SGCZ: variants seen among roughly 807,000 people sequenced by gnomAD.
SGCZ encodes sarcoglycan zeta, also known as zeta-sarcoglycan.
SGCZ carries 40 observed loss-of-function variants against 41.3 expected under a neutral mutation model. The observed-to-expected ratio is 0.97, with a 90% CI of 0.75 to 1.26. SGCZ has a LOEUF of 1.26. SGCZ is among the 50% of genes most tolerant of loss of function. The pLI is 0.00. For missense variants in SGCZ, 552 were observed against 369.8 expected (o/e 1.49, Z -4.04); for synonymous variants, 206 against 137.5 (o/e 1.50, Z -3.49).
intron 7 of SGCZ, among the ~76,000 whole-genome samples, chr8:14,099,336 C>G (rs1310780498): frequency 3.9e-5 from 6 of 152,206 alleles, no homozygotes; most frequent in African/African-American, 1.4e-4. Context: ...AATCACATCC[C>G]TGAGCTCTTA....
At chr8:15,045,081 ATATTTATT>A (rs58199682) in intron 1 of SGCZ, among the ~76,000 whole-genome samples, 8,408 of 151,686 alleles carry the variant, frequency 0.055, 330 homozygotes, top group East Asian at 0.24. Context: ...TGAGCTTTTT[ATATTTATT>A]TATTTATTTA....
intron 2 of SGCZ, among the ~76,000 whole-genome samples, chr8:14,445,342 A>G (rs1336608114): frequency 6.6e-6 from 1 of 152,128 alleles, no homozygotes; most frequent in Non-Finnish European, 1.5e-5. Context: ...CCTTTTCCAA[A>G]ACTACCTAAG....
chr8:14,260,823 C>G lies in SGCZ; in HGVS notation c.337-23144G>C, dbSNP rs1799636670. Among the ~76,000 whole-genome samples the G allele has an allele frequency of 2.0e-5, 3 of 152,116 alleles. 1 individual carries two copies. In the South Asian group the frequency reaches 6.2e-4, roughly 32 times the overall value. Reference sequence around the variant, plus strand: ...GGACATGGATGAAAGTGGAAATCATCATTCTCAGTAAACTATCTCAAGAAC... The same window carrying G: ...GGACATGGATGAAAGTGGAAATCATGATTCTCAGTAAACTATCTCAAGAAC... On this transcript the variant is annotated intron_variant, in intron 3 of 7. Coordinates refer to ENST00000382080, the MANE Select transcript of SGCZ (RefSeq NM_139167.4).
At chr8:14,613,561 T>C (rs1400815584) in intron 1 of SGCZ, among the ~76,000 whole-genome samples, 1 of 152,188 alleles carries the variant, frequency 6.6e-6, no homozygotes, top group African/African-American at 2.4e-5. Context: ...AGCTGATAAA[T>C]TCTTTCTTCC....
chr8:14,194,878 A>G (rs1805215896), intron 4 of SGCZ, among the ~76,000 whole-genome samples: 1 of 152,028 alleles, frequency 6.6e-6, no homozygotes, highest in Non-Finnish European at 1.5e-5. Flanking sequence ...TTGAATCATA[A>G]TTCATAATGA....
intron 1 of SGCZ, among the ~76,000 whole-genome samples, chr8:14,838,165 G>T (rs139628766): frequency 3.9e-5 from 6 of 152,282 alleles, no homozygotes; most frequent in African/African-American, 1.4e-4. Flanking sequence ...AAGCTAGGAA[G>T]GGTAGTGGGA....
At chr8:14,959,104 T>C (rs1287894380) in intron 1 of SGCZ, among the ~76,000 whole-genome samples, 1 of 152,134 alleles carries the variant, frequency 6.6e-6, no homozygotes, top group East Asian at 1.9e-4. Context: ...CTACATACTT[T>C]AGACAGATTT....
intron 1 of SGCZ, among the ~76,000 whole-genome samples, chr8:14,958,931 T>C (rs1038880887): frequency 2.0e-5 from 3 of 152,082 alleles, no homozygotes; most frequent in Admixed American, 2.0e-4. Context: ...GATAGACAGA[T>C]TCTCTAAAAC....
rs749114878 is a variant in SGCZ, at chr8:14,090,404, A to T, written c.*39T>A. On this transcript the variant is annotated 3_prime_UTR_variant, in exon 8 of 8. Coordinates refer to ENST00000382080, the MANE Select transcript of SGCZ (RefSeq NM_139167.4). ...CAGAACTGTGAAGCAGACGGACAGG[A>T]ACAAAAGGCTATTCTGGTGTGAGGA... 9 of 1,590,046 alleles carry T rather than the reference A, an allele frequency of 5.7e-6. No homozygotes were observed. In the African/African-American group the frequency reaches 1.1e-4, roughly 19 times the overall value.
intron 3 of SGCZ, among the ~76,000 whole-genome samples, chr8:14,321,626 G>A (rs1032407283): frequency 6.6e-6 from 1 of 152,034 alleles, no homozygotes; most frequent in African/African-American, 2.4e-5. Context: ...CATTAATAGA[G>A]GTTAAACATA....
At chr8:14,120,570 G>C (rs1430257203) in intron 5 of SGCZ, among the ~76,000 whole-genome samples, 1 of 151,776 alleles carries the variant, frequency 6.6e-6, no homozygotes, top group African/African-American at 2.4e-5. Flanking sequence ...GAAAAATATA[G>C]ATCTATAATA....
At chr8:15,034,845 T>C (rs977171300) in intron 1 of SGCZ, among the ~76,000 whole-genome samples, 12 of 152,186 alleles carry the variant, frequency 7.9e-5, no homozygotes, top group African/African-American at 2.9e-4. Flanking sequence ...ACCAAGAATA[T>C]TGTATCTGGC....
At chr8:14,507,045 C>T (rs1802326758) in intron 2 of SGCZ, among the ~76,000 whole-genome samples, 1 of 151,828 alleles carries the variant, frequency 6.6e-6, no homozygotes, top group South Asian at 2.1e-4. Context: ...TCTGTGATTG[C>T]CTGATCTGAT....
rs946732773 is a variant in SGCZ at position 15,147,523 on chromosome 8, C to A, written c.39+90062G>T. The stretch of plus-strand genomic sequence containing the variant: ...GAACTCCTGACCTCAGGTGATCCAC[C>A]TCCCTCGGCCCCACAAAGTGCTGGG... On this transcript the variant is annotated intron_variant, in intron 1 of 7. Coordinates refer to ENST00000382080, the MANE Select transcript of SGCZ (RefSeq NM_139167.4). Among the ~76,000 whole-genome samples, 6 of 152,298 alleles carry A rather than the reference C, an allele frequency of 3.9e-5. 1 individual carries two copies. The East Asian group carries it at 9.7e-4, about 25-fold the overall frequency.
chr8:14,176,289 T>C (rs929786552), intron 4 of SGCZ, among the ~76,000 whole-genome samples: 2 of 152,210 alleles, frequency 1.3e-5, no homozygotes, highest in African/African-American at 2.4e-5. Flanking sequence ...AATTTTAACA[T>C]ATTACATCAT....
chr8:14,697,438 A>G (rs1211570625), intron 1 of SGCZ, among the ~76,000 whole-genome samples: 3 of 152,062 alleles, frequency 2.0e-5, no homozygotes, highest in Non-Finnish European at 4.4e-5. Flanking sequence ...TTTAAAATAT[A>G]TTATTTCACT....
chr8:14,723,733 A>G (rs1809964047), intron 1 of SGCZ, among the ~76,000 whole-genome samples: 1 of 152,018 alleles, frequency 6.6e-6, no homozygotes, highest in Admixed American at 6.6e-5. Flanking sequence ...TAGTGCATCT[A>G]TGTGTATATT....
chr8:14,221,995 A>G (rs1163300937), intron 4 of SGCZ, among the ~76,000 whole-genome samples: 1 of 152,056 alleles, frequency 6.6e-6, no homozygotes, highest in Non-Finnish European at 1.5e-5. Context: ...GGGGTCTCAA[A>G]CCCAGGAGAG....
At chr8:14,949,806 G>A (rs1194111257) in intron 1 of SGCZ, among the ~76,000 whole-genome samples, 2 of 152,082 alleles carry the variant, frequency 1.3e-5, no homozygotes, top group East Asian at 3.9e-4. Flanking sequence ...AGGCAGATGA[G>A]AAATGAAGTA....
Sources: gnomAD v4.1 joint callset for allele counts (sites outside exome capture counted in the v4.1 genomes callset) on GRCh38, gnomAD v4.1.1 for gene constraint, MANE v1.5 for transcripts, NCBI Gene and HGNC (gene_info 2026-07-23, HGNC 2026-07-21) for gene names.